TRAIP: variants seen among roughly 807,000 people sequenced by gnomAD.
TRAIP encodes E3 ubiquitin-protein ligase TRAIP.
TRAIP carries 37 observed loss-of-function variants against 65.0 expected under a neutral mutation model. That is an observed-to-expected ratio of 0.57 (90% CI 0.44 to 0.75). The LOEUF (loss-of-function observed/expected upper bound fraction) is 0.75, where lower values mean the gene tolerates loss of function less well. TRAIP is among the 30% of genes least tolerant of loss of function. The pLI is 0.00. For synonymous variants in TRAIP, 187 were observed against 219.1 expected, an observed-to-expected ratio of 0.85 and a Z score of 1.29; for missense variants, 481 against 579.4, an observed-to-expected ratio of 0.83 and a Z score of 1.74.
Position 49,829,426 on chromosome 3 carries a change from C to T in TRAIP, c.1287+32G>A. The T allele has an allele frequency of 2.5e-6, 4 of 1,613,998 alleles. No individual in the cohort carries two copies. The South Asian group carries it at 4.4e-5, about 18-fold the overall frequency. ...GAGGCATAGTATGGGCTCCACAGTT[C>T]AGCTCAGCTCAACATCACAGGAAAA... On this transcript the variant is annotated intron_variant, in intron 14 of 14. Transcript: ENST00000331456.
chr3:49,839,596 C>A, intron 10 of TRAIP, 176 bp downstream of exon 10: 1 of 625,308 alleles, frequency 1.6e-6, no homozygotes. Context: ...CGTGTCAGAG[C>A]CTAATTTGCT....
In TRAIP at chr3:49,841,880, C is replaced by A. The variant is rs1290014550; in HGVS notation, c.563G>T (p.Gly188Val). 4.3e-6 allele frequency: 7 copies of A among 1,614,196 alleles called. No homozygotes were observed. The highest frequency in any genetic ancestry group is 5.9e-6 in the Non-Finnish European group (7 of 1,180,004). The change falls in exon 7 of 15, where the codon GGT becomes GTT. Residue 188 changes from glycine to valine, a missense_variant. By Grantham distance (109) the Gly-to-Val change is moderately radical. Coordinates refer to ENST00000331456, the MANE Select transcript of TRAIP (RefSeq NM_005879.3). ...PEVEEMIRDMGVGQSAVEQLA... is the reference protein window; with the variant it reads ...PEVEEMIRDMVVGQSAVEQLA... ...CTGTTCCACCGCTGACTGTCCCACA[C>A]CCATGTCTCGGATCATCTCCTCCAC...
intron 10 of TRAIP, among the ~76,000 whole-genome samples, chr3:49,833,878 G>T (rs748413116): frequency 6.6e-6 from 1 of 152,074 alleles, no homozygotes; most frequent in Non-Finnish European, 1.5e-5. Flanking sequence ...CTTTCTGTTT[G>T]TCCTACAAGG....
intron 1 of TRAIP, among the ~76,000 whole-genome samples, chr3:49,852,264 G>C (rs2081938994): frequency 6.6e-6 from 1 of 151,792 alleles, no homozygotes; most frequent in Non-Finnish European, 1.5e-5. Flanking sequence ...CTACTCGGGA[G>C]GTTGACGCAG....
At chr3:49,847,459 A>T (rs1575398004) in intron 3 of TRAIP, 66 bp downstream of exon 3, 2 of 1,008,642 alleles carry the variant, frequency 2.0e-6, no homozygotes, top group East Asian at 4.8e-5. Context: ...AAGAAAAGAA[A>T]AGAAAAAAGA....
At chr3:49,836,610 C>T (rs1384847682) in intron 10 of TRAIP, among the ~76,000 whole-genome samples, 1 of 152,190 alleles carries the variant, frequency 6.6e-6, no homozygotes, top group Non-Finnish European at 1.5e-5. Flanking sequence ...GCAGGAGGAT[C>T]GCTTGAGGCC....
At chr3:49,838,158 G>A (rs985139640) in intron 10 of TRAIP, among the ~76,000 whole-genome samples, 2 of 152,176 alleles carry the variant, frequency 1.3e-5, no homozygotes, top group African/African-American at 4.8e-5. Context: ...ATGAGTCAAT[G>A]CACCCAGCCA....
In TRAIP at chr3:49,831,937, T is replaced by G; in HGVS notation, c.1016A>C (p.Lys339Thr). The G allele has an allele frequency of 6.3e-7, 1 of 1,591,264 alleles. No individual in the cohort carries two copies. Among genetic ancestry groups the G allele is most frequent in the South Asian group, 1.1e-5 (1 of 87,912 alleles). The change falls in exon 11 of 15, where the codon AAA becomes ACA. Residue 339 changes from lysine to threonine, a missense_variant. Physicochemically the swap from Lys to Thr is moderately conservative, Grantham distance 78. Transcript: ENST00000331456. The stretch of plus-strand genomic sequence containing the variant: ...TCACTGTGACTTCTCTAGGCAAAGT[T>G]TTTCGTAGTAACCATGCTGGGAGCT... ...PSSSQHGYYE[K>T]LCLEKSHSPI...
intron 1 of TRAIP, 21 bp downstream of exon 1, chr3:49,856,335 C>G (rs370314024): frequency 6.2e-7 from 1 of 1,608,546 alleles, no homozygotes; most frequent in African/African-American, 1.3e-5. Context: ...AACACCGGGC[C>G]CCAACACTGC....
At chr3:49,833,766 A>C (rs933972471) in intron 10 of TRAIP, among the ~76,000 whole-genome samples, 1 of 152,180 alleles carries the variant, frequency 6.6e-6, no homozygotes, top group Admixed American at 6.5e-5. Context: ...GGCATGAGCC[A>C]CCGCGCCCGG....
intron 11 of TRAIP, 94 bp from the exon 12 acceptor site, chr3:49,830,162 T>G: frequency 7.4e-7 from 1 of 1,359,684 alleles, no homozygotes; most frequent in Non-Finnish European, 1.0e-6. Flanking sequence ...AGTTACCATG[T>G]GGCACTGCTG....
At chr3:49,854,567 A>G (rs979516532) in intron 1 of TRAIP, among the ~76,000 whole-genome samples, 21 of 152,190 alleles carry the variant, frequency 1.4e-4, no homozygotes, top group Non-Finnish European at 7.3e-5. Flanking sequence ...AAATGGAGAA[A>G]TACAGAATAT....
intron 10 of TRAIP, among the ~76,000 whole-genome samples, chr3:49,834,130 G>A (rs374062844): frequency 6.6e-6 from 1 of 152,284 alleles, no homozygotes; most frequent in South Asian, 2.1e-4. Context: ...ATGAACTCAT[G>A]GCTCCTGGCG....
intron 1 of TRAIP, among the ~76,000 whole-genome samples, chr3:49,851,761 A>G (rs1481166824): frequency 6.7e-6 from 1 of 149,332 alleles, no homozygotes; most frequent in East Asian, 2.0e-4. Context: ...CAGTGGTGCA[A>G]TCTCGGCTCA....
At chr3:49,839,707 G>T in intron 10 of TRAIP, 65 bp downstream of exon 10, 1 of 1,457,694 alleles carries the variant, frequency 6.9e-7, no homozygotes, top group Non-Finnish European at 9.6e-7. Flanking sequence ...GCCAGGAGGA[G>T]TAAAGACTGT....
At position 49,842,567 on chromosome 3, in the gene TRAIP, ATACC is replaced by A; in HGVS notation, c.409-24_409-21del. 1 of 1,610,584 alleles carries A rather than the reference ATACC, an allele frequency of 6.2e-7. No homozygotes were observed. The highest frequency in any genetic ancestry group is 8.5e-7 in the Non-Finnish European group (1 of 1,178,518). The stretch of plus-strand genomic sequence containing the variant: ...CTGCTTCTGAAGAGCAAATACACCC[ATACC>A]TGATGCTTGGAGGCCCTCAGGAGCC... On this transcript the variant is annotated intron_variant, in intron 5 of 14. Transcript: ENST00000331456.
At position 49,846,908 on chromosome 3, in the gene TRAIP, C is replaced by T. The variant is rs144579331; in HGVS notation, c.240+617G>A. On this transcript the variant is annotated intron_variant, in intron 3 of 14. Coordinates refer to ENST00000331456, the MANE Select transcript of TRAIP (RefSeq NM_005879.3). The stretch of plus-strand genomic sequence containing the variant: ...TTTTTTTATAAATTAGGGCTGGGCA[C>T]GGTGGCCCACGCCTGCAATCTCAGC... Among the ~76,000 whole-genome samples, 1,384 of 152,116 alleles carry T rather than the reference C, an allele frequency of 9.1e-3. 20 individuals carry two copies. Among genetic ancestry groups the T allele is most frequent in the African/African-American group, 0.032 (1,328 of 41,472 alleles).
At chr3:49,854,255 G>A (rs2081954722) in intron 1 of TRAIP, among the ~76,000 whole-genome samples, 1 of 152,184 alleles carries the variant, frequency 6.6e-6, no homozygotes, top group African/African-American at 2.4e-5. Flanking sequence ...AGTCCAGGAG[G>A]TCAAGGCTGC....
At chr3:49,842,976 A>G (rs567814513) in intron 5 of TRAIP, among the ~76,000 whole-genome samples, 1 of 152,264 alleles carries the variant, frequency 6.6e-6, no homozygotes, top group South Asian at 2.1e-4. Context: ...GAGCCAGGGG[A>G]AGCTGGCCAG....
Sources: gnomAD v4.1 joint callset for allele counts (sites outside exome capture counted in the v4.1 genomes callset) on GRCh38, gnomAD v4.1.1 for gene constraint, MANE v1.5 for transcripts, NCBI Gene and HGNC (gene_info 2026-07-23, HGNC 2026-07-21) for gene names.